TTC39B: variants seen among roughly 807,000 people sequenced by gnomAD.
TTC39B encodes the protein tetratricopeptide repeat protein 39B.
TTC39B carries 92 observed loss-of-function variants against 96.6 expected under a neutral mutation model. The ratio of observed to expected loss-of-function variants is 0.95; its 90% CI spans 0.80 to 1.13. The LOEUF (loss-of-function observed/expected upper bound fraction) is 1.13. Among genes scored for constraint, TTC39B ranks in the 50% most tolerant of loss-of-function variants. The pLI is 0.00. For synonymous variants in TTC39B, 367 were observed against 299.4 expected, an observed-to-expected ratio of 1.23 and a Z score of -2.33; for missense variants, 955 against 809.3, an observed-to-expected ratio of 1.18 and a Z score of -2.18.
At chr9:15,187,033 T>C (rs770404094) in exon 15 of TTC39B, 5 of 1,609,396 alleles carry the variant, frequency 3.1e-6, no homozygotes, top group Non-Finnish European at 3.4e-6. Flanking sequence ...ACACATAAGT[T>C]GCCTTGAGAA....
chr9:15,214,852 CAG>C (rs1272818199), intron 3 of TTC39B, among the ~76,000 whole-genome samples: 1 of 152,118 alleles, frequency 6.6e-6, no homozygotes, highest in Admixed American at 6.5e-5. Flanking sequence ...TTATGATTGA[CAG>C]AGATTTTGTT....
At chr9:15,229,728 T>C (rs1821319453) in intron 2 of TTC39B, among the ~76,000 whole-genome samples, 1 of 152,244 alleles carries the variant, frequency 6.6e-6, no homozygotes, top group Admixed American at 6.5e-5. Flanking sequence ...GGCATTCTTT[T>C]GTTCCATCAC....
In TTC39B at chr9:15,185,332, C is replaced by T. The variant is rs140567902; in HGVS notation, c.1562G>A (p.Arg521Gln). The stretch of plus-strand genomic sequence containing the variant: ...TGCAGGTAAGGAGGCGGAGTAACGC[C>T]GAGCCTTCCTCACAGCAAACTTCTC... The change falls in exon 16 of 20, where the codon CGG (arginine) becomes CAG (glutamine). Residue 521 changes from arginine to glutamine, a missense_variant. Physicochemically the swap from Arg to Gln is conservative, Grantham distance 43. Transcript: ENST00000512701. The T allele has an allele frequency of 3.6e-5, 58 of 1,613,710 alleles. No individual in the cohort carries two copies. Among genetic ancestry groups the T allele is most frequent in the Non-Finnish European group, 4.7e-5 (55 of 1,179,822 alleles).
intron 2 of TTC39B, among the ~76,000 whole-genome samples, chr9:15,246,087 C>T (rs962334118): frequency 6.6e-6 from 1 of 152,208 alleles, no homozygotes; most frequent in Middle Eastern, 3.4e-3. Flanking sequence ...AACCCTGTGT[C>T]TAATAAAAAT....
At chr9:15,263,777 G>A (rs1430439919) in intron 2 of TTC39B, among the ~76,000 whole-genome samples, 1 of 152,134 alleles carries the variant, frequency 6.6e-6, no homozygotes, top group African/African-American at 2.4e-5. Flanking sequence ...CTGATTTTGG[G>A]CTCTATCTCT....
chr9:15,240,444 C>A (rs1022996576), intron 2 of TTC39B, among the ~76,000 whole-genome samples: 1 of 152,042 alleles, frequency 6.6e-6, no homozygotes, highest in Non-Finnish European at 1.5e-5. Context: ...AAACTGTAAC[C>A]CTTAGTATTA....
intron 16 of TTC39B, 141 bp downstream of exon 16, chr9:15,185,139 A>T: frequency 9.2e-7 from 1 of 1,081,862 alleles, no homozygotes; most frequent in Non-Finnish European, 1.3e-6. Context: ...TTAATTATTT[A>T]TTTAGAAATG....
chr9:15,286,903 AC>A (rs1447031308), intron 1 of TTC39B, among the ~76,000 whole-genome samples: 2 of 152,174 alleles, frequency 1.3e-5, no homozygotes, highest in Non-Finnish European at 2.9e-5. Context: ...CCCAAATTTG[AC>A]CTGGGGAACT....
chr9:15,223,787 C>A (rs1356599965), intron 3 of TTC39B, among the ~76,000 whole-genome samples: 4 of 151,716 alleles, frequency 2.6e-5, no homozygotes, highest in African/African-American at 7.3e-5. Flanking sequence ...ATCTGAAAAT[C>A]CAAAATTGAA....
chr9:15,181,118 C>T (rs1242579250), intron 17 of TTC39B, among the ~76,000 whole-genome samples: 4 of 152,084 alleles, frequency 2.6e-5, no homozygotes, highest in Admixed American at 2.6e-4. Context: ...TGCCCCCAAC[C>T]AATGGGGGGC....
chr9:15,164,434 A>T (rs1433053278), exon 20 of TTC39B: 1 of 152,254 alleles, frequency 6.6e-6, no homozygotes, highest in Non-Finnish European at 1.5e-5. Context: ...AACTCCTTCT[A>T]CATGTCAAGT....
chr9:15,272,534 C>T (rs561705112), intron 1 of TTC39B, among the ~76,000 whole-genome samples: 7 of 152,272 alleles, frequency 4.6e-5, no homozygotes, highest in Non-Finnish European at 8.8e-5. Flanking sequence ...TTTGCCTGCC[C>T]TACTCCCATA....
intron 1 of TTC39B, among the ~76,000 whole-genome samples, chr9:15,298,950 ATTC>A (rs891832196): frequency 5.9e-5 from 9 of 152,140 alleles, no homozygotes; most frequent in African/African-American, 2.2e-4. Flanking sequence ...ACCCCTACTC[ATTC>A]TTCTTGACTC....
rs150944307 is a variant in TTC39B, at chr9:15,219,886, C to A, written c.372-5637G>T. 4.0e-3 allele frequency among the ~76,000 whole-genome samples: 603 copies of A among 152,294 alleles called. 4 individuals carry two copies. The highest frequency in any genetic ancestry group is 0.013 in the African/African-American group (550 of 41,564). ...CCATGACCCTCACAAGGGAGGCCTGCACTTTAGGGCTGAAATTCCATTCAG... is the reference window on the plus strand; with the variant it reads ...CCATGACCCTCACAAGGGAGGCCTGAACTTTAGGGCTGAAATTCCATTCAG... On this transcript the variant is annotated intron_variant, in intron 3 of 19. Coordinates refer to ENST00000512701, the Ensembl canonical transcript of TTC39B.
At chr9:15,307,160 G>T (rs369331054) in exon 1 of TTC39B, 1 of 1,603,830 alleles carries the variant, frequency 6.2e-7, no homozygotes, top group South Asian at 1.1e-5. Context: ...CAAAAACCAA[G>T]CAGGGAACTC....
At position 15,245,909 on chromosome 9, in the gene TTC39B, C is replaced by T. The variant is rs113473163; in HGVS notation, c.276-19897G>A. Among the ~76,000 whole-genome samples, 779 of 152,270 alleles carry T rather than the reference C, an allele frequency of 5.1e-3. 9 individuals carry two copies. The highest frequency in any genetic ancestry group is 0.017 in the African/African-American group (702 of 41,550). ...GCAATTACCACCTAAATTTCTCTGG[C>T]TAAGTCAGAGAACTTGGGTAGAATG... On this transcript the variant is annotated intron_variant, in intron 2 of 19. Coordinates refer to ENST00000512701, the Ensembl canonical transcript of TTC39B.
intron 8 of TTC39B, among the ~76,000 whole-genome samples, chr9:15,196,576 T>A (rs562237701): frequency 6.6e-6 from 1 of 152,342 alleles, no homozygotes; most frequent in East Asian, 1.9e-4. Flanking sequence ...AAGATGAGAC[T>A]GACTGCTGCC....
intron 2 of TTC39B, among the ~76,000 whole-genome samples, chr9:15,231,019 AC>A (rs1821393385): frequency 6.6e-6 from 1 of 151,722 alleles, no homozygotes; most frequent in East Asian, 1.9e-4. Flanking sequence ...TATTGTGTGG[AC>A]ATGTATTTTC....
intron 3 of TTC39B, among the ~76,000 whole-genome samples, chr9:15,220,760 T>C (rs1434144237): frequency 6.6e-6 from 1 of 152,126 alleles, no homozygotes; most frequent in African/African-American, 2.4e-5. Flanking sequence ...AGATAACATC[T>C]TACATAACAC....
Sources: gnomAD v4.1 joint callset for allele counts (sites outside exome capture counted in the v4.1 genomes callset) on GRCh38, gnomAD v4.1.1 for gene constraint, MANE v1.5 for transcripts, NCBI Gene and HGNC (gene_info 2026-07-23, HGNC 2026-07-21) for gene names.